Variants in MCU observed in about 807,000 individuals in gnomAD.
MCU encodes mitochondrial calcium uniporter, also known as calcium uniporter protein, mitochondrial.
A neutral mutation model predicts 45.2 loss-of-function variants in MCU; 12 were observed. The ratio of observed to expected loss-of-function variants is 0.27; its 90% CI spans 0.17 to 0.43. The LOEUF is 0.43. Ranked by LOEUF, MCU falls within the 20% of genes least tolerant of loss-of-function variation. The pLI is 1.00. For synonymous variants in MCU, 160 were observed against 165.1 expected (o/e 0.97, Z 0.24); for missense variants, 324 against 436.7 (o/e 0.74, Z 2.30).
At position 72,824,321 on chromosome 10, in the gene MCU, C is replaced by T. The variant is rs181197973; in HGVS notation, c.151-10038C>T. Among the ~76,000 whole-genome samples the T allele has an allele frequency of 4.9e-3, 748 of 151,508 alleles. 35 individuals are homozygous for T. Among genetic ancestry groups the T allele is most frequent in the Admixed American group, 0.044 (666 of 15,204 alleles). ...AAGCGATTCTCTTGCCTCAGCCTCCCGAGTAGCTGGGATTACAGGTGTCTG... is the reference window on the plus strand; with the variant it reads ...AAGCGATTCTCTTGCCTCAGCCTCCTGAGTAGCTGGGATTACAGGTGTCTG... On this transcript the variant is annotated intron_variant, in intron 1 of 7. Coordinates refer to ENST00000373053, the MANE Select transcript of MCU (RefSeq NM_138357.3).
intron 1 of MCU, among the ~76,000 whole-genome samples, chr10:72,766,070 GT>G (rs1038484048): frequency 2.6e-5 from 4 of 152,044 alleles, no homozygotes; most frequent in African/African-American, 9.7e-5. Flanking sequence ...GGGTCTCACT[GT>G]TTTGCGGGCT....
At chr10:72,716,176 A>G (rs573428426) in intron 1 of MCU, among the ~76,000 whole-genome samples, 8 of 152,248 alleles carry the variant, frequency 5.3e-5, no homozygotes, top group Non-Finnish European at 1.2e-4. Flanking sequence ...AACAGAGACT[A>G]TATGGTCCAT....
intron 1 of MCU, among the ~76,000 whole-genome samples, chr10:72,813,625 A>C (rs1844579982): frequency 6.6e-6 from 1 of 151,626 alleles, no homozygotes; most frequent in South Asian, 2.1e-4. Context: ...CACCTGGCTA[A>C]TTTTTGTAGT....
Position 72,816,033 on chromosome 10 carries a change from A to G in MCU, c.151-18326A>G, listed in dbSNP as rs545269913. On this transcript the variant is annotated intron_variant, in intron 1 of 7. Coordinates refer to ENST00000373053, the MANE Select transcript of MCU (RefSeq NM_138357.3). ...ATCTCTATTAAAAATACAAAAATAT[A>G]TGGTGGCGGGTGCCTGTAATCCCAG... 3.6e-3 allele frequency among the ~76,000 whole-genome samples: 542 copies of G among 152,142 alleles called. 2 individuals are homozygous for G. Among genetic ancestry groups the G allele is most frequent in the African/African-American group, 0.012 (518 of 41,532 alleles).
chr10:72,712,326 A>G (rs891106867), intron 1 of MCU: 5 of 152,216 alleles, frequency 3.3e-5, no homozygotes, highest in African/African-American at 1.2e-4. Context: ...GAGAGAAGGC[A>G]GAGAAGAAGA....
At chr10:72,772,384 A>G (rs540100372) in intron 1 of MCU, among the ~76,000 whole-genome samples, 1 of 152,348 alleles carries the variant, frequency 6.6e-6, no homozygotes, top group South Asian at 2.1e-4. Flanking sequence ...TTGATTCACT[A>G]AGCAGATACA....
At chr10:72,879,501 C>G (rs946517241) in intron 6 of MCU, among the ~76,000 whole-genome samples, 1 of 152,282 alleles carries the variant, frequency 6.6e-6, no homozygotes, top group East Asian at 1.9e-4. Flanking sequence ...CTTCTATACT[C>G]AGCAAAAAAT....
At chr10:72,765,818 TCGA>T (rs1843718539) in intron 1 of MCU, among the ~76,000 whole-genome samples, 1 of 146,090 alleles carries the variant, frequency 6.8e-6, no homozygotes, top group African/African-American at 2.5e-5. Context: ...AGAAAGAAAC[TCGA>T]CAGAATAAAA....
intron 1 of MCU, among the ~76,000 whole-genome samples, chr10:72,833,771 G>A (rs887445034): frequency 2.0e-5 from 3 of 152,248 alleles, no homozygotes; most frequent in Non-Finnish European, 4.4e-5. Flanking sequence ...CGAGGAAGTA[G>A]TAGAGGTGGA....
intron 1 of MCU, among the ~76,000 whole-genome samples, chr10:72,813,561 C>T (rs564101136): frequency 2.1e-5 from 3 of 143,920 alleles, no homozygotes; most frequent in African/African-American, 2.6e-5. Context: ...TGGGATCAAG[C>T]GATTCTCCTG....
chr10:72,716,079 A>G (rs775801980), intron 1 of MCU, among the ~76,000 whole-genome samples: 25 of 152,200 alleles, frequency 1.6e-4, no homozygotes, highest in Non-Finnish European at 1.2e-4. Flanking sequence ...TTTGTAAACA[A>G]AGTTTTACTA....
intron 1 of MCU, among the ~76,000 whole-genome samples, chr10:72,825,478 CA>C (rs1260272243): frequency 6.6e-6 from 1 of 152,204 alleles, no homozygotes. Context: ...TGCTCTTCTA[CA>C]AAATACAAAA....
At chr10:72,692,415 C>T in intron 1 of MCU, 114 bp downstream of exon 1, 6 of 905,190 alleles carry the variant, frequency 6.6e-6, no homozygotes, top group Non-Finnish European at 8.0e-6. Flanking sequence ...CCCGGCCGCT[C>T]CGGAGGTTGC....
At chr10:72,780,852 G>C (rs190449125) in intron 1 of MCU, among the ~76,000 whole-genome samples, 232 of 152,134 alleles carry the variant, frequency 1.5e-3, no homozygotes, top group Middle Eastern at 3.4e-3. Flanking sequence ...AGTTTTAGAT[G>C]GGAAAGGACT....
chr10:72,765,981 C>T (rs1250574592), intron 1 of MCU, among the ~76,000 whole-genome samples: 1 of 152,030 alleles, frequency 6.6e-6, no homozygotes, highest in Non-Finnish European at 1.5e-5. Flanking sequence ...ATCTTCTTGA[C>T]TCAGCCTCTT....
At chr10:72,882,706 G>A (rs916025567) in intron 6 of MCU, among the ~76,000 whole-genome samples, 8 of 151,854 alleles carry the variant, frequency 5.3e-5, no homozygotes, top group Admixed American at 2.6e-4. Flanking sequence ...ATTTTACCCC[G>A]GTCCTGTGGT....
At chr10:72,829,079 G>A (rs1447903828) in intron 1 of MCU, among the ~76,000 whole-genome samples, 1 of 152,184 alleles carries the variant, frequency 6.6e-6, no homozygotes. Context: ...CCAGCACTTT[G>A]GGAGGCCAGG....
chr10:72,834,409 CA>C lies in MCU; in HGVS notation c.202del (p.Thr68LeufsTer18). On this transcript the variant is annotated frameshift_variant, in exon 2 of 8. Transcript: ENST00000373053. ...AGAATTTGGGAGCTGTTTATTGCAG[CA>C]CTGTTGTGCCCTCTGATGGTGAGTT... is the stretch of plus-strand genomic sequence containing the variant. ...WQNLGAVYCS[T>X]VVPSDDVTVV... The C allele has an allele frequency of 1.2e-6, 2 of 1,613,766 alleles. No individual in the cohort carries two copies. The highest frequency in any genetic ancestry group is 1.7e-6 in the Non-Finnish European group (2 of 1,179,752).
chr10:72,750,598 A>G (rs1005244333), intron 1 of MCU, among the ~76,000 whole-genome samples: 1 of 152,212 alleles, frequency 6.6e-6, no homozygotes, highest in Non-Finnish European at 1.5e-5. Context: ...GACGACACAG[A>G]TATGCATCAT....
Sources: gnomAD v4.1 joint callset for allele counts (sites outside exome capture counted in the v4.1 genomes callset) on GRCh38, gnomAD v4.1.1 for gene constraint, MANE v1.5 for transcripts, NCBI Gene and HGNC (gene_info 2026-07-23, HGNC 2026-07-21) for gene names.